The following BBC3 variants were observed in gnomAD, a reference collection of about 807,000 sequenced individuals.
BBC3 encodes the protein BCL2 binding component 3, also known as bcl-2-binding component 3.
A neutral mutation model predicts 18.2 loss-of-function variants in BBC3; 5 were observed. The observed-to-expected ratio is 0.27, with a 90% CI of 0.14 to 0.58. The LOEUF (loss-of-function observed/expected upper bound fraction) is 0.58. Among genes scored for constraint, BBC3 ranks in the 20% least tolerant of loss-of-function variants. The pLI is 0.91. For synonymous variants in BBC3, 119 were observed against 128.0 expected, an observed-to-expected ratio of 0.93 and a Z score of 0.47; for missense variants, 224 against 268.9, an observed-to-expected ratio of 0.83 and a Z score of 1.17.
At chr19:47,231,233 GCCGCCCCGCCCCGCC>G (rs943175432), upstream of BBC3, 293 of 976,292 alleles carry the variant, frequency 3.0e-4, no homozygotes, top group African/African-American at 2.2e-3. This position sits in a 1 kb window ranked among gnomAD's most constrained non-coding sequence, Gnocchi z 4.0. Context: ...CCGCTCCAAA[GCCGCCCCGCCCCGCC>G]CCGCCCCGCC....
rs535471228 is a variant in BBC3 at position 47,230,570 on chromosome 19, C to T, written c.-16+359G>A. 6.8e-4 allele frequency among the ~76,000 whole-genome samples: 103 copies of T among 151,546 alleles called. 1 individual carries two copies. The highest frequency in any genetic ancestry group is 8.9e-5 in the Non-Finnish European group (6 of 67,768). Reference sequence around the variant, plus strand: ...GGGCGCGCGCCCTGGGTGTGGCCGCCCCTCCGTGCCGCCCCCCCGCCCCTC... The same window carrying T: ...GGGCGCGCGCCCTGGGTGTGGCCGCTCCTCCGTGCCGCCCCCCCGCCCCTC... On this transcript the variant is annotated intron_variant, in intron 1 of 3. Coordinates refer to ENST00000439096, the MANE Select transcript of BBC3 (RefSeq NM_014417.5). This position sits in a 1 kb window ranked among gnomAD's most constrained non-coding sequence, Gnocchi z 6.7.
At chr19:47,226,511 C>T in intron 3 of BBC3, 53 bp downstream of exon 3, 1 of 1,476,922 alleles carries the variant, frequency 6.8e-7, no homozygotes, top group Non-Finnish European at 9.0e-7. Flanking sequence ...CGCCTGCCGC[C>T]CCCTCCTCCG....
upstream of BBC3, chr19:47,231,356 C>G (rs975016101): frequency 1.3e-3 from 382 of 303,418 alleles, 1 homozygote; most frequent in Non-Finnish European, 1.7e-3. The surrounding 1 kb of genome is among the most constrained non-coding windows in gnomAD (Gnocchi z 4.0). Context: ...GCCGCGCCCC[C>G]CCCTACCTCC....
At chr19:47,226,830 TTCCCAGCCACTGC>T (rs2058832216) in intron 2 of BBC3, 76 bp from the exon 3 acceptor site, 2 of 1,238,922 alleles carry the variant, frequency 1.6e-6, no homozygotes, top group Non-Finnish European at 2.1e-6. Context: ...GCTCCCCTCT[TTCCCAGCCACTGC>T]TCCCCGCCTC....
At chr19:47,232,430 A>AGG (rs2058923388), upstream of BBC3, 268 of 1,186,534 alleles carry the variant, frequency 2.3e-4, 2 homozygotes, top group South Asian at 3.5e-3. Flanking sequence ...CCACCCACAC[A>AGG]TGTCACAAAG....
At position 47,230,308 on chromosome 19, in the gene BBC3, C is replaced by G. The variant is rs1366805627; in HGVS notation, c.-16+621G>C. On this transcript the variant is annotated intron_variant, in intron 1 of 3. Transcript: ENST00000439096. This position sits in a 1 kb window ranked among gnomAD's most constrained non-coding sequence, Gnocchi z 6.7. ...CCCAGCACAAACTCGGAGCCAGACA[C>G]GCGCACACACCCAGGCGAGACACCT... Among the ~76,000 whole-genome samples, 4 of 152,098 alleles carry G rather than the reference C, an allele frequency of 2.6e-5. No individual in the cohort carries two copies. Among genetic ancestry groups the G allele is most frequent in the South Asian group, 2.1e-4 (1 of 4,820 alleles).
chr19:47,221,765 C>T lies in BBC3; in HGVS notation c.*37G>A, dbSNP rs759426766. 6.5e-5 allele frequency: 105 copies of T among 1,607,034 alleles called. No homozygotes were observed. The highest frequency in any genetic ancestry group is 8.5e-5 in the Non-Finnish European group (100 of 1,178,060). On this transcript the variant is annotated 3_prime_UTR_variant, in exon 4 of 4. Transcript: ENST00000439096. ...GTCAGGAGGTGGGAGGGGCCTGCCC[C>T]CCGAGTCCCTGACGTCCACCGGGCG...
Position 47,228,016 on chromosome 19 carries a change from A to G in BBC3, c.274+142T>C, listed in dbSNP as rs2058858163. The G allele has an allele frequency of 1.4e-5, 9 of 635,284 alleles. No homozygotes were observed. Among genetic ancestry groups the G allele is most frequent in the Admixed American group, 4.6e-5 (1 of 21,756 alleles). The allele number at this position is 635,284 out of a possible 1,614,324, so 39.4% of individuals were successfully genotyped here. ...CGTCTTCCTGCTTCTTGCAACACAA[A>G]GACCACATTGGCCACACCCTCCCAG... is the stretch of plus-strand genomic sequence containing the variant. On this transcript the variant is annotated intron_variant, in intron 2 of 3. Coordinates refer to ENST00000439096, the MANE Select transcript of BBC3 (RefSeq NM_014417.5). The surrounding 1 kb of genome is among the most constrained non-coding windows in gnomAD (Gnocchi z 5.5).
At chr19:47,231,432 C>T (rs2058914675), upstream of BBC3, among the ~76,000 whole-genome samples, 1 of 152,190 alleles carries the variant, frequency 6.6e-6, no homozygotes, top group South Asian at 2.1e-4. The surrounding 1 kb of genome is among the most constrained non-coding windows in gnomAD (Gnocchi z 4.0). Context: ...AGGACCCAGG[C>T]GCTGTGCGGC....
chr19:47,222,445 C>T (rs1390412876), intron 3 of BBC3: 1 of 152,402 alleles, frequency 6.6e-6, no homozygotes, highest in Admixed American at 6.5e-5. Context: ...AAGGTGGTCT[C>T]TAGGACCCTC....
intron 3 of BBC3, among the ~76,000 whole-genome samples, chr19:47,223,156 A>T (rs1020845991): frequency 2.0e-5 from 3 of 150,900 alleles, no homozygotes; most frequent in Admixed American, 2.0e-4. Flanking sequence ...CTGTAGTCCC[A>T]GCTACTCCGG....
Position 47,226,674 on chromosome 19 carries a change from G to A in BBC3, c.355C>T (p.Pro119Ser), listed in dbSNP as rs1444185631. The change falls in exon 3 of 4, where the codon CCC becomes TCC. Residue 119 changes from proline to serine, a missense_variant. Coordinates refer to ENST00000439096, the MANE Select transcript of BBC3 (RefSeq NM_014417.5). ...CGGACTCCCGGGGCCGCCTGGGTGG[G>A]ACCGCCCGCCAGAGCCCCCGGGGCG... ...PSAPGALAGGPTQAAPGVRGE... is the reference protein window; with the variant it reads ...PSAPGALAGGSTQAAPGVRGE... 1.3e-6 allele frequency: 2 copies of A among 1,507,254 alleles called. No homozygotes were observed. The highest frequency in any genetic ancestry group is 1.8e-6 in the Non-Finnish European group (2 of 1,129,538). 93.4% of individuals were successfully genotyped at this position (1,507,254 alleles called of 1,614,324 possible). A position where few individuals can be genotyped will look rare whatever the true frequency, so the allele number is the denominator to read the frequency against.
At chr19:47,232,110 G>C (rs1471431421), upstream of BBC3, among the ~76,000 whole-genome samples, 1 of 152,198 alleles carries the variant, frequency 6.6e-6, no homozygotes, top group Non-Finnish European at 1.5e-5. Context: ...CCAGCACTTT[G>C]GGAGGCCAAG....
chr19:47,221,368 G>T lies in BBC3; in HGVS notation c.*434C>A, dbSNP rs1043143687. On this transcript the variant is annotated 3_prime_UTR_variant, in exon 4 of 4. Transcript: ENST00000439096. Reference sequence around the variant, plus strand: ...TTCACGGGCCCCCTCCCAGGAGGAGGGGGGGAAGCACCAGGGGCCTGAGGC... The same window carrying T: ...TTCACGGGCCCCCTCCCAGGAGGAGTGGGGGAAGCACCAGGGGCCTGAGGC... 2.0e-5 allele frequency: 5 copies of T among 255,390 alleles called. No individual in the cohort carries two copies. The highest frequency in any genetic ancestry group is 9.3e-5 in the East Asian group (1 of 10,722). 15.8% of individuals were successfully genotyped at this position (255,390 alleles called of 1,614,324 possible). A position where few individuals can be genotyped will look rare whatever the true frequency, so the allele number is the denominator to read the frequency against.
intron 3 of BBC3, among the ~76,000 whole-genome samples, chr19:47,225,694 G>A (rs992753663): frequency 1.3e-5 from 2 of 152,148 alleles, no homozygotes; most frequent in African/African-American, 2.4e-5. Flanking sequence ...CCCATATGGT[G>A]AATCTGAAGC....
intron 3 of BBC3, among the ~76,000 whole-genome samples, chr19:47,225,162 C>T (rs1196868841): frequency 4.6e-5 from 7 of 152,148 alleles, no homozygotes; most frequent in Admixed American, 2.6e-4. Flanking sequence ...CCGCCCTCCT[C>T]AGCCTCCCAA....
chr19:47,226,509 GC>G (rs2058825314), intron 3 of BBC3, 54 bp downstream of exon 3: 1 of 1,461,246 alleles, frequency 6.8e-7, no homozygotes, highest in Non-Finnish European at 9.1e-7. Flanking sequence ...GCCGCCTGCC[GC>G]CCCCTCCTCC....
At chr19:47,222,180 C>A in intron 3 of BBC3, 1 of 405,188 alleles carries the variant, frequency 2.5e-6, no homozygotes. Context: ...GTGACTGCCC[C>A]GTCTCTGTTG....
In BBC3 at chr19:47,228,244, G is replaced by T; in HGVS notation, c.188C>A (p.Thr63Asn). The part of the protein sequence containing the change: ...LLPAAYLCAP[T>N]APPAVTAALG... ...GGCGGCGGTGACGGCGGGTGGGGCG[G>T]TGGGGGCGCAGAGGTAGGCAGCGGG... Residue 63 changes from threonine (T) to asparagine (N), a missense_variant, in exon 2 of 4, where the codon ACC becomes AAC. By Grantham distance (65) the Thr-to-Asn change is moderately conservative. Coordinates refer to ENST00000439096, the MANE Select transcript of BBC3 (RefSeq NM_014417.5). The surrounding 1 kb of genome is among the most constrained non-coding windows in gnomAD (Gnocchi z 5.5). The T allele has an allele frequency of 8.2e-7, 1 of 1,217,844 alleles. No individual in the cohort carries two copies. The highest frequency in any genetic ancestry group is 1.0e-6 in the Non-Finnish European group (1 of 978,914). 75.4% of individuals were successfully genotyped at this position (1,217,844 alleles called of 1,614,324 possible).
Sources: gnomAD v4.1 joint callset for allele counts (sites outside exome capture counted in the v4.1 genomes callset) on GRCh38, gnomAD v4.1.1 for gene constraint, Gnocchi (gnomAD v3.1) non-coding constraint, MANE v1.5 for transcripts, NCBI Gene and HGNC (gene_info 2026-07-23, HGNC 2026-07-21) for gene names.